Variants in KIF3C observed in about 807,000 individuals in gnomAD.
The protein encoded by KIF3C is kinesin family member 3C.
A neutral mutation model predicts 67.7 loss-of-function variants in KIF3C; 12 were observed. The ratio of observed to expected loss-of-function variants is 0.18; its 90% CI spans 0.11 to 0.29. The LOEUF (loss-of-function observed/expected upper bound fraction) is 0.29. Among genes scored for constraint, KIF3C ranks in the 10% least tolerant of loss-of-function variants. The pLI, the probability that KIF3C is intolerant of heterozygous loss-of-function variation, is 1.00. For synonymous variants in KIF3C, 393 were observed against 426.2 expected (o/e 0.92, Z 0.96); for missense variants, 789 against 1,059.6 (o/e 0.74, Z 3.55).
intron 1 of KIF3C, among the ~76,000 whole-genome samples, chr2:25,979,536 C>T (rs148459376): frequency 6.6e-6 from 1 of 152,306 alleles, no homozygotes; most frequent in Non-Finnish European, 1.5e-5. Flanking sequence ...AAGCAACTTA[C>T]ACAAGGCCAC....
rs775526439 is a variant in KIF3C at position 25,955,710 on chromosome 2, G to T, written c.1648-47C>A. ...TGGCTCAAAGGAGCAGTGCATACTC[G>T]GGAGGGCCAGGAAAGCTCAGGGGAC... On this transcript the variant is annotated intron_variant, in intron 2 of 7. Transcript: ENST00000264712. The surrounding 1 kb of genome is among the most constrained non-coding windows in gnomAD (Gnocchi z 5.0). 8.7e-6 allele frequency: 14 copies of T among 1,606,096 alleles called. No individual in the cohort carries two copies. Among genetic ancestry groups the T allele is most frequent in the South Asian group, 1.1e-5 (1 of 90,294 alleles).
intron 1 of KIF3C, among the ~76,000 whole-genome samples, chr2:25,962,987 T>C (rs1355940270): frequency 1.9e-5 from 1 of 52,784 alleles, no homozygotes; most frequent in Admixed American, 3.9e-4. Context: ...ATATAATATA[T>C]AATATATATA....
intron 1 of KIF3C, among the ~76,000 whole-genome samples, chr2:25,964,779 C>T (rs1664099369): frequency 6.6e-6 from 1 of 152,226 alleles, no homozygotes; most frequent in South Asian, 2.1e-4. Context: ...GTTCTTGAAG[C>T]CACCTGGACA....
In KIF3C at chr2:25,981,785, G is replaced by C; in HGVS notation, c.133C>G (p.Arg45Gly). 1 of 1,613,376 alleles carries C rather than the reference G, an allele frequency of 6.2e-7. No homozygotes were observed. Among genetic ancestry groups the C allele is most frequent in the East Asian group, 2.2e-5 (1 of 44,860 alleles). The change falls in exon 1 of 8, where the codon CGG (arginine) becomes GGG (glycine). Residue 45 changes from arginine (R) to glycine (G), a missense_variant. Coordinates refer to ENST00000264712, the MANE Select transcript of KIF3C (RefSeq NM_002254.8). This position sits in a 1 kb window ranked among gnomAD's most constrained non-coding sequence, Gnocchi z 8.2. ...MDVKLGQVTL[R>G]NPRAAPGELP... The stretch of plus-strand genomic sequence containing the variant: ...TCCCCCGGGGCGGCGCGGGGGTTCC[G>C]CAGGGTCACCTGGCCCAGTTTCACG...
rs749987045 is a variant in KIF3C, at chr2:25,954,224, G to C, written c.1889+43C>G. The C allele has an allele frequency of 6.3e-6, 9 of 1,420,098 alleles. No homozygotes were observed. In the Admixed American group the frequency reaches 1.5e-4, roughly 24 times the overall value. The allele number at this position is 1,420,098 out of a possible 1,614,324, so 88.0% of individuals were successfully genotyped here. ...GGGAGGAGAGGCCTGAGTAATGATG[G>C]CTGGCTGTGGGGACCCGGGATGAAA... On this transcript the variant is annotated intron_variant, in intron 4 of 7. Coordinates refer to ENST00000264712, the MANE Select transcript of KIF3C (RefSeq NM_002254.8).
At chr2:25,963,197 T>TATATATATATATA (rs55857611) in intron 1 of KIF3C, among the ~76,000 whole-genome samples, 2 of 28,848 alleles carry the variant, frequency 6.9e-5, no homozygotes, top group Admixed American at 7.2e-4. Context: ...TATATATATA[T>TATATATATATATA]TTTTTTTTTT....
chr2:25,972,431 A>T (rs1412129266), intron 1 of KIF3C, among the ~76,000 whole-genome samples: 1 of 152,148 alleles, frequency 6.6e-6, no homozygotes, highest in Non-Finnish European at 1.5e-5. Flanking sequence ...CTGTTAACTG[A>T]CCACACCCAC....
chr2:25,948,614 AAG>A (rs1663507695), intron 5 of KIF3C, among the ~76,000 whole-genome samples: 12 of 146,214 alleles, frequency 8.2e-5, no homozygotes, highest in Admixed American at 8.2e-4. Context: ...AAGAAAGAGA[AAG>A]AGAAAGAGAG....
chr2:25,928,852 C>T lies in KIF3C; in HGVS notation c.*126G>A. 1.4e-6 allele frequency: 1 copy of T among 700,494 alleles called. No homozygotes were observed. The highest frequency in any genetic ancestry group is 2.4e-6 in the Non-Finnish European group (1 of 416,486). The allele number at this position is 700,494 out of a possible 1,614,324, so 43.4% of individuals were successfully genotyped here. On this transcript the variant is annotated 3_prime_UTR_variant, in exon 8 of 8. Coordinates refer to ENST00000264712, the MANE Select transcript of KIF3C (RefSeq NM_002254.8). ...GCAGAGGCACCATCTGCCAGATTCTCACCCCTGCACACACGCACACGCACA... is the reference window on the plus strand; with the variant it reads ...GCAGAGGCACCATCTGCCAGATTCTTACCCCTGCACACACGCACACGCACA...
At chr2:25,933,413 G>A (rs1034253063) in intron 5 of KIF3C, among the ~76,000 whole-genome samples, 28 of 152,194 alleles carry the variant, frequency 1.8e-4, no homozygotes, top group Middle Eastern at 3.4e-3. Context: ...GCTCACACCT[G>A]TAATCCCACC....
At chr2:25,940,365 G>A (rs1663250356) in intron 5 of KIF3C, among the ~76,000 whole-genome samples, 1 of 152,014 alleles carries the variant, frequency 6.6e-6, no homozygotes, top group Non-Finnish European at 1.5e-5. Context: ...GAGGTCAGGG[G>A]TTTGAGACCA....
chr2:25,959,482 C>CT (rs1001136142), intron 1 of KIF3C, among the ~76,000 whole-genome samples: 1 of 151,936 alleles, frequency 6.6e-6, no homozygotes, highest in African/African-American at 2.4e-5. Context: ...CTTGGGCTCT[C>CT]TTTTTTTTCT....
rs1241690364 is a variant in KIF3C at position 25,929,036 on chromosome 2, G to T, written c.2324C>A (p.Thr775Lys). 6.2e-7 allele frequency: 1 copy of T among 1,613,914 alleles called. No homozygotes were observed. Among genetic ancestry groups the T allele is most frequent in the Non-Finnish European group, 8.5e-7 (1 of 1,179,970 alleles). ...QSPQRPPPST[T>K]HASLASASLR... ...AGAAGCAGAGGCCAGGGAGGCATGT[G>T]TGGTGGAAGGTGGAGGCCGCTGAGG... Residue 775 changes from threonine (T) to lysine (K), a missense_variant, in exon 8 of 8, where the codon ACA becomes AAA. By Grantham distance (78) the Thr-to-Lys change is moderately conservative (BLOSUM62 -1). This residue lies in a region of KIF3C where 648 missense variants were observed against 807.8 expected (regional missense o/e 0.80). Transcript: ENST00000264712.
In KIF3C at chr2:25,928,872, C is replaced by T. The variant is rs1209843228; in HGVS notation, c.*106G>A. ...ATTCTCACCCCTGCACACACGCACA[C>T]GCACATGCACGCACACGCACACGCA... On this transcript the variant is annotated 3_prime_UTR_variant, in exon 8 of 8. Transcript: ENST00000264712. 6 of 864,012 alleles carry T rather than the reference C, an allele frequency of 6.9e-6. No individual in the cohort carries two copies. Among genetic ancestry groups the T allele is most frequent in the Non-Finnish European group, 9.2e-6 (5 of 542,104 alleles). The allele number at this position is 864,012 out of a possible 1,614,324, so 53.5% of individuals were successfully genotyped here. A position where few individuals can be genotyped will look rare whatever the true frequency, so the allele number is the denominator to read the frequency against.
In KIF3C at chr2:25,981,056, T is replaced by C; in HGVS notation, c.862A>G (p.Lys288Glu). The change falls in exon 1 of 8, where the codon AAG becomes GAG. Residue 288 changes from lysine (K) to glutamate (E), a missense_variant. By Grantham distance (56) the Lys-to-Glu change is moderately conservative. Transcript: ENST00000264712. This position sits in a 1 kb window ranked among gnomAD's most constrained non-coding sequence, Gnocchi z 8.2. ...GAGAGGTTGATTTTGGAGGCTTCCT[T>C]AGGCCTCTCTCCACCAGCACCACCA... ...SGGGAGGERP[K>E]EASKINLSLS... 1.2e-6 allele frequency: 2 copies of C among 1,614,160 alleles called. No homozygotes were observed. The highest frequency in any genetic ancestry group is 1.7e-6 in the Non-Finnish European group (2 of 1,180,008).
chr2:25,970,632 A>C (rs1432482263), intron 1 of KIF3C, among the ~76,000 whole-genome samples: 3 of 138,568 alleles, frequency 2.2e-5, no homozygotes, highest in African/African-American at 8.2e-5. Context: ...ACGCCATCAC[A>C]CTCCAGCCTG....
At chr2:25,945,862 G>A (rs1307880965) in intron 5 of KIF3C, among the ~76,000 whole-genome samples, 1 of 152,036 alleles carries the variant, frequency 6.6e-6, no homozygotes, top group Admixed American at 6.6e-5. Flanking sequence ...GTAAATCCTA[G>A]CACTTTGGAA....
At chr2:25,962,904 T>C (rs1264106015) in intron 1 of KIF3C, among the ~76,000 whole-genome samples, 1 of 60,258 alleles carries the variant, frequency 1.7e-5, no homozygotes, top group Non-Finnish European at 2.5e-5. Flanking sequence ...AAAATATATA[T>C]AATATATAAT....
chr2:25,961,625 C>T (rs1195937973), intron 1 of KIF3C, among the ~76,000 whole-genome samples: 1 of 152,162 alleles, frequency 6.6e-6, no homozygotes, highest in African/African-American at 2.4e-5. Context: ...AATATGCTGC[C>T]ACAGCTAAAA....
Sources: allele counts gnomAD v4.1 joint callset (sites outside exome capture counted in the v4.1 genomes callset), GRCh38; gene constraint gnomAD v4.1.1; regional missense constraint gnomAD v4.1.1; non-coding constraint Gnocchi (gnomAD v3.1); transcripts MANE v1.5; gene names NCBI Gene and HGNC (gene_info 2026-07-23, HGNC 2026-07-21).